FGF1: variants seen among roughly 807,000 people sequenced by gnomAD.
FGF1 encodes the protein fibroblast growth factor 1.
A neutral mutation model predicts 13.4 loss-of-function variants in FGF1; 9 were observed. The ratio of observed to expected loss-of-function variants is 0.67; its 90% confidence interval spans 0.40 to 1.17. FGF1 has a LOEUF of 1.17. Ranked by LOEUF, FGF1 falls within the 50% of genes most tolerant of loss-of-function variation. The probability of loss-of-function intolerance (pLI) is 0.01; values close to 1 mark genes in which losing one functional copy is unlikely to be tolerated. For missense variants in FGF1, 156 were observed against 192.7 expected, an observed-to-expected ratio of 0.81 and a Z score of 1.13; for synonymous variants, 93 against 79.0, an observed-to-expected ratio of 1.18 and a Z score of -0.94.
At chr5:142,638,349 C>T (rs2151944644) in intron 1 of FGF1, among the ~76,000 whole-genome samples, 1 of 152,154 alleles carries the variant, frequency 6.6e-6, no homozygotes, top group Middle Eastern at 3.4e-3. Flanking sequence ...CCAGGATATT[C>T]CTTCTTCTCC....
At chr5:142,620,798 T>C (rs1761425106) in intron 1 of FGF1, among the ~76,000 whole-genome samples, 1 of 152,182 alleles carries the variant, frequency 6.6e-6, no homozygotes, top group Admixed American at 6.5e-5. Flanking sequence ...ATCATTCTTA[T>C]CAAAGATACA....
chr5:142,682,640 C>G (rs1451111729), intron 1 of FGF1, among the ~76,000 whole-genome samples: 1 of 152,078 alleles, frequency 6.6e-6, no homozygotes, highest in Non-Finnish European at 1.5e-5. Flanking sequence ...GTGTTATGCT[C>G]CCTCTCGTAA....
rs869093279 is a variant in FGF1, at chr5:142,618,929, G to GTTTTTT, written c.-34-4774_-34-4769dup. Among the ~76,000 whole-genome samples, 503 of 61,162 alleles carry GTTTTTT rather than the reference G, an allele frequency of 8.2e-3. 2 individuals carry two copies. The highest frequency in any genetic ancestry group is 0.011 in the Non-Finnish European group (360 of 33,952). The allele number at this position is 61,162 out of a possible 152,430, so 40.1% of individuals were successfully genotyped here. A position where few individuals can be genotyped will look rare whatever the true frequency, so the allele number is the denominator to read the frequency against. The stretch of plus-strand genomic sequence containing the variant: ...CTGACATTTATTTTTTAGTTGTTTT[G>GTTTTTT]TTTTTTTTTTTTTTTTTTTTTTTGA... On this transcript the variant is annotated intron_variant, in intron 1 of 3. Coordinates refer to ENST00000337706, the MANE Select transcript of FGF1 (RefSeq NM_000800.5).
chr5:142,658,795 G>A (rs147106080), intron 1 of FGF1, among the ~76,000 whole-genome samples: 162 of 152,260 alleles, frequency 1.1e-3, no homozygotes, highest in African/African-American at 3.7e-3. Flanking sequence ...TATAGGCTGC[G>A]GAGAGTTGCC....
intron 1 of FGF1, among the ~76,000 whole-genome samples, chr5:142,639,414 A>G (rs1309388759): frequency 3.9e-5 from 6 of 152,072 alleles, no homozygotes; most frequent in East Asian, 3.8e-4. Flanking sequence ...CCTGTCATTT[A>G]TGACAACATG....
At chr5:142,637,791 C>T (rs1002857091) in intron 1 of FGF1, among the ~76,000 whole-genome samples, 2 of 151,988 alleles carry the variant, frequency 1.3e-5, no homozygotes, top group Non-Finnish European at 2.9e-5. Context: ...ATCTCAAGAA[C>T]CCAATTGACA....
intron 2 of FGF1, among the ~76,000 whole-genome samples, chr5:142,695,805 G>T (rs1753027623): frequency 6.6e-6 from 1 of 151,994 alleles, no homozygotes; most frequent in African/African-American, 2.4e-5. Flanking sequence ...GAGAAACTAA[G>T]ATACATGAAG....
chr5:142,624,121 C>T (rs759273156), intron 1 of FGF1, among the ~76,000 whole-genome samples: 52 of 151,518 alleles, frequency 3.4e-4, no homozygotes, highest in Non-Finnish European at 6.8e-4. Flanking sequence ...GGTTTCACCA[C>T]GTTGGCCAGG....
rs975266968 is a variant in FGF1, at chr5:142,614,116, C to T, written c.12G>A (p.Gly4=). The T allele has an allele frequency of 6.2e-7, 1 of 1,614,108 alleles. No homozygotes were observed. The highest frequency in any genetic ancestry group is 1.1e-5 in the South Asian group (1 of 91,068). Residue 4 remains glycine (G), a synonymous_variant, in exon 2 of 4, where the codon GGG becomes GGA. Transcript: ENST00000337706. ...TCAGGGCTGTGAAGGTGGTGATTTC[C>T]CCTTCAGCCATGGCTCAGCAGCTGC... MAE[G]EITTFTALTE...
chr5:142,695,595 A>AG (rs1752984508), intron 2 of FGF1, among the ~76,000 whole-genome samples: 1 of 151,736 alleles, frequency 6.6e-6, no homozygotes, highest in African/African-American at 2.4e-5. Flanking sequence ...AAGAAAAAAA[A>AG]AAAAAGAAAG....
At chr5:142,663,332 T>C (rs774163788) in intron 1 of FGF1, among the ~76,000 whole-genome samples, 5 of 152,042 alleles carry the variant, frequency 3.3e-5, no homozygotes, top group Non-Finnish European at 5.9e-5. Context: ...AGTTGTGATA[T>C]TAATTTCTTG....
intron 1 of FGF1, among the ~76,000 whole-genome samples, chr5:142,682,073 CT>C (rs1379977533): frequency 6.7e-6 from 1 of 149,942 alleles, no homozygotes; most frequent in African/African-American, 2.4e-5. Flanking sequence ...TGTAAGCAGC[CT>C]TTTCTCCTCT....
At chr5:142,618,557 A>G (rs1311581466) in intron 1 of FGF1, among the ~76,000 whole-genome samples, 1 of 152,222 alleles carries the variant, frequency 6.6e-6, no homozygotes, top group Non-Finnish European at 1.5e-5. Flanking sequence ...CTGTGATTAA[A>G]TGCTTAATTT....
chr5:142,696,599 C>A (rs187437065), intron 2 of FGF1, among the ~76,000 whole-genome samples: 17 of 152,260 alleles, frequency 1.1e-4, no homozygotes. Flanking sequence ...ATGGGCAGGT[C>A]TTCCTGGAAA....
Position 142,667,401 on chromosome 5 carries a change from T to A in FGF1, c.-35+18556A>T, listed in dbSNP as rs369398153. Among the ~76,000 whole-genome samples the A allele has an allele frequency of 1.5e-3, 232 of 149,970 alleles. 1 individual carries two copies. Among genetic ancestry groups the A allele is most frequent in the East Asian group, 6.3e-3 (32 of 5,076 alleles). ...GGAGATCGAGACCATCCTGGCTAAC[T>A]CGGTGAAACCCCGTCTCTACTAAAA... On this transcript the variant is annotated intron_variant, in intron 1 of 3. Coordinates refer to ENST00000337706, the MANE Select transcript of FGF1 (RefSeq NM_000800.5).
chr5:142,657,305 C>T (rs1768337069), intron 1 of FGF1, among the ~76,000 whole-genome samples: 1 of 152,170 alleles, frequency 6.6e-6, no homozygotes, highest in Admixed American at 6.5e-5. Context: ...CCCTTCAGCC[C>T]CCAAACTTGC....
intron 1 of FGF1, among the ~76,000 whole-genome samples, chr5:142,670,046 C>T (rs544696407): frequency 3.3e-5 from 5 of 152,286 alleles, no homozygotes; most frequent in South Asian, 2.1e-4. Flanking sequence ...GCCGGAGCCT[C>T]GGGATTGATC....
At chr5:142,602,532 C>T (rs1241280532) in intron 2 of FGF1, among the ~76,000 whole-genome samples, 1 of 152,154 alleles carries the variant, frequency 6.6e-6, no homozygotes, top group Admixed American at 6.5e-5. Flanking sequence ...TTTTCCCAAA[C>T]AGCAGAGGAG....
chr5:142,614,683 G>A (rs1759837119), intron 1 of FGF1, among the ~76,000 whole-genome samples: 1 of 152,152 alleles, frequency 6.6e-6, no homozygotes, highest in East Asian at 1.9e-4. Context: ...AGGCCTTTCA[G>A]GGACACAACA....
Sources: allele counts gnomAD v4.1 joint callset (sites outside exome capture counted in the v4.1 genomes callset), GRCh38; gene constraint gnomAD v4.1.1; transcripts MANE v1.5; gene names NCBI Gene and HGNC (gene_info 2026-07-23, HGNC 2026-07-21).